YWHAB: variants seen among roughly 807,000 people sequenced by gnomAD.
The protein encoded by YWHAB is 14-3-3 protein beta/alpha.
In YWHAB, 2 loss-of-function variants were observed where a neutral mutation model predicts 28.5. The observed-to-expected ratio is 0.07, with a 90% CI of 0.03 to 0.22. YWHAB has a LOEUF of 0.22. YWHAB is among the 10% of genes least tolerant of loss of function. The pLI is 1.00. For missense variants in YWHAB, 148 were observed against 297.1 expected, an observed-to-expected ratio of 0.50 and a Z score of 3.69; for synonymous variants, 103 against 104.7, an observed-to-expected ratio of 0.98 and a Z score of 0.10.
Position 44,904,950 on chromosome 20 carries a change from T to G in YWHAB, c.425-18T>G, listed in dbSNP as rs773904232. The G allele has an allele frequency of 2.6e-6, 4 of 1,568,548 alleles. No individual in the cohort carries two copies. In the South Asian group the frequency reaches 4.6e-5, roughly 18 times the overall value. ...ATGAAAGAACCGAGCCTTTAATATT[T>G]TCATCTTTATGTTACAGCCACTGTG... On this transcript the variant is annotated intron_variant, in intron 3 of 5. Coordinates refer to ENST00000353703, the MANE Select transcript of YWHAB (RefSeq NM_139323.4).
chr20:44,905,688 C>G, intron 4 of YWHAB: 1 of 220,132 alleles, frequency 4.5e-6, no homozygotes, highest in Non-Finnish European at 8.8e-6. Context: ...TAGAAGATTG[C>G]TAGAAAAGTC....
intron 1 of YWHAB, among the ~76,000 whole-genome samples, chr20:44,899,073 C>T (rs564597986): frequency 6.6e-6 from 1 of 152,290 alleles, no homozygotes; most frequent in South Asian, 2.1e-4. Flanking sequence ...GGTTGCGTCA[C>T]TGAACTCCAG....
intron 1 of YWHAB, among the ~76,000 whole-genome samples, chr20:44,895,460 A>G (rs1322141621): frequency 6.6e-6 from 1 of 152,122 alleles, no homozygotes. Flanking sequence ...GACTAGAGGT[A>G]ATTTAGGAAG....
rs536521359 is a variant in YWHAB, at chr20:44,908,166, G to GAA, written c.*1734_*1735dup. On this transcript the variant is annotated 3_prime_UTR_variant, in exon 6 of 6. Transcript: ENST00000353703. ...TGATTTAAAACAAACCAAAAAAAAA[G>GAA]AAAAAAACAAAAAAAAAAATCCCTC... The GAA allele has an allele frequency of 8.3e-6, 1 of 120,392 alleles. No individual in the cohort carries two copies. The highest frequency in any genetic ancestry group is 3.8e-5 in the African/African-American group (1 of 26,426). 7.5% of individuals were successfully genotyped at this position (120,392 alleles called of 1,614,324 possible). A position where few individuals can be genotyped will look rare whatever the true frequency, so the allele number is the denominator to read the frequency against.
chr20:44,892,386 T>C (rs942409080), intron 1 of YWHAB, among the ~76,000 whole-genome samples: 2 of 152,136 alleles, frequency 1.3e-5, no homozygotes, highest in Non-Finnish European at 2.9e-5. Context: ...GTTGGCTTTC[T>C]AAGGAGAGGC....
chr20:44,901,794 G>A lies in YWHAB; in HGVS notation c.261G>A (p.Lys87=), dbSNP rs1384153293. The A allele has an allele frequency of 6.2e-7, 1 of 1,609,024 alleles. No homozygotes were observed. Among genetic ancestry groups the A allele is most frequent in the Non-Finnish European group, 8.5e-7 (1 of 1,175,926 alleles). The change falls in exon 2 of 6, where the codon AAG becomes AAA. Residue 87 remains lysine (K), a synonymous_variant. Coordinates refer to ENST00000353703, the MANE Select transcript of YWHAB (RefSeq NM_139323.4). ...AGATGGGCAAAGAGTACCGTGAGAA[G>A]ATAGAGGCAGAACTGCAGGACATCT... ...KQQMGKEYRE[K]IEAELQDICN...
intron 3 of YWHAB, 141 bp from the exon 4 acceptor site, chr20:44,904,827 A>T (rs547358016): frequency 6.6e-5 from 49 of 740,346 alleles, no homozygotes; most frequent in Non-Finnish European, 9.6e-5. Flanking sequence ...TGTATAATTG[A>T]ATGGCAGAGA....
Position 44,902,304 on chromosome 20 carries a change from C to T in YWHAB, c.300+471C>T, listed in dbSNP as rs181012558. 9.1e-5 allele frequency: 14 copies of T among 153,696 alleles called. No individual in the cohort carries two copies. In the East Asian group the frequency reaches 2.7e-3, roughly 30 times the overall value. 9.5% of individuals were successfully genotyped at this position (153,696 alleles called of 1,614,324 possible). ...GAAAGTTAGGCACATCCATCAAGTT[C>T]GGCATGCATTCCAGAGCCAAATTCA... On this transcript the variant is annotated intron_variant, in intron 2 of 5. Coordinates refer to ENST00000353703, the MANE Select transcript of YWHAB (RefSeq NM_139323.4).
At position 44,901,739 on chromosome 20, in the gene YWHAB, A is replaced by G. The variant is rs776783216; in HGVS notation, c.206A>G (p.Gln69Arg). The change falls in exon 2 of 6, where the codon CAG becomes CGG. Residue 69 changes from glutamine to arginine, a missense_variant. Coordinates refer to ENST00000353703, the MANE Select transcript of YWHAB (RefSeq NM_139323.4). ...TGGCGTGTCATCTCCAGCATTGAGCAGAAAACAGAGAGGAATGAGAAGAAG... is the reference window on the plus strand; with the variant it reads ...TGGCGTGTCATCTCCAGCATTGAGCGGAAAACAGAGAGGAATGAGAAGAAG... ...SSWRVISSIE[Q>R]KTERNEKKQQ... 18 of 1,614,138 alleles carry G rather than the reference A, an allele frequency of 1.1e-5. No homozygotes were observed. The highest frequency in any genetic ancestry group is 1.5e-5 in the Non-Finnish European group (18 of 1,179,970).
Position 44,908,166 on chromosome 20 carries a change from G to GA in YWHAB, c.*1735dup, listed in dbSNP as rs536521359. Reference sequence around the variant, plus strand: ...TGATTTAAAACAAACCAAAAAAAAAGAAAAAAACAAAAAAAAAAATCCCTC... The same window carrying GA: ...TGATTTAAAACAAACCAAAAAAAAAGAAAAAAAACAAAAAAAAAAATCCCTC... On this transcript the variant is annotated 3_prime_UTR_variant, in exon 6 of 6. Coordinates refer to ENST00000353703, the MANE Select transcript of YWHAB (RefSeq NM_139323.4). 408 of 120,448 alleles carry GA rather than the reference G, an allele frequency of 3.4e-3. 3 individuals are homozygous for GA. The highest frequency in any genetic ancestry group is 4.3e-3 in the Non-Finnish European group (252 of 58,526). 7.5% of individuals were successfully genotyped at this position (120,448 alleles called of 1,614,324 possible).
intron 4 of YWHAB, chr20:44,905,711 A>G (rs1374072399): frequency 1.1e-5 from 3 of 262,970 alleles, no homozygotes; most frequent in East Asian, 1.4e-4. Context: ...TGGTAATTAA[A>G]AAATCACACG....
At chr20:44,894,259 GC>G (rs2066582055) in intron 1 of YWHAB, among the ~76,000 whole-genome samples, 1 of 152,138 alleles carries the variant, frequency 6.6e-6, no homozygotes, top group African/African-American at 2.4e-5. Context: ...GCCTTTTGTG[GC>G]CTCTAATGAG....
At chr20:44,898,574 T>G (rs112330755) in intron 1 of YWHAB, among the ~76,000 whole-genome samples, 3,313 of 151,960 alleles carry the variant, frequency 0.022, 133 homozygotes, top group African/African-American at 0.074. Flanking sequence ...AGTGGCGCGA[T>G]CTCTGCTCAC....
intron 1 of YWHAB, among the ~76,000 whole-genome samples, chr20:44,891,915 A>G (rs771256265): frequency 1.3e-5 from 2 of 152,336 alleles, no homozygotes; most frequent in Non-Finnish European, 2.9e-5. Context: ...TAAATTTTAT[A>G]TGTAGAATGG....
At chr20:44,905,965 A>G in intron 4 of YWHAB, 36 bp from the exon 5 acceptor site, 1 of 1,566,780 alleles carries the variant, frequency 6.4e-7, no homozygotes, top group South Asian at 1.1e-5. Flanking sequence ...GCTCCAGAGA[A>G]CTTGTGAATT....
intron 1 of YWHAB, among the ~76,000 whole-genome samples, chr20:44,894,576 A>T (rs2066584577): frequency 6.6e-6 from 1 of 152,224 alleles, no homozygotes; most frequent in Admixed American, 6.5e-5. Flanking sequence ...TTTCCTTCTC[A>T]CAAAATTGTA....
chr20:44,893,119 C>CT (rs1204555310), intron 1 of YWHAB, among the ~76,000 whole-genome samples: 1 of 151,738 alleles, frequency 6.6e-6, no homozygotes, highest in Non-Finnish European at 1.5e-5. Flanking sequence ...TTCTTTCTTT[C>CT]TTTTTTGATT....
chr20:44,896,433 G>T (rs1461340664), intron 1 of YWHAB, among the ~76,000 whole-genome samples: 3 of 152,192 alleles, frequency 2.0e-5, no homozygotes, highest in African/African-American at 7.2e-5. Context: ...GTGGCTTGGT[G>T]AGCAAAGATA....
intron 1 of YWHAB, among the ~76,000 whole-genome samples, chr20:44,889,514 C>T (rs767006217): frequency 4.6e-5 from 7 of 150,556 alleles, no homozygotes; most frequent in African/African-American, 1.7e-4. Context: ...AAGTTTTTCC[C>T]GTACTGGTTA....
Sources: gnomAD v4.1 joint callset for allele counts (sites outside exome capture counted in the v4.1 genomes callset) on GRCh38, gnomAD v4.1.1 for gene constraint, MANE v1.5 for transcripts, NCBI Gene and HGNC (gene_info 2026-07-23, HGNC 2026-07-21) for gene names.